The following TTC7B variants were observed in gnomAD, a reference collection of about 807,000 sequenced individuals.
TTC7B encodes tetratricopeptide repeat domain 7B.
Under a neutral mutation model 106.8 loss-of-function variants are expected in TTC7B, and 28 were observed. The observed-to-expected ratio is 0.26, with a 90% CI of 0.19 to 0.36. TTC7B has a LOEUF of 0.36. TTC7B is among the 10% of genes least tolerant of loss of function. The pLI, the probability that TTC7B is intolerant of heterozygous loss-of-function variation, is 1.00. For synonymous variants in TTC7B, 405 were observed against 430.6 expected, an observed-to-expected ratio of 0.94 and a Z score of 0.74; for missense variants, 862 against 1,076.4, an observed-to-expected ratio of 0.80 and a Z score of 2.79.
In TTC7B at chr14:90,700,444, C is replaced by T. The variant is rs575474761; in HGVS notation, c.699-4866G>A. Among the ~76,000 whole-genome samples the T allele has an allele frequency of 1.6e-4, 24 of 152,064 alleles. No homozygotes were observed. The South Asian group carries it at 4.6e-3, about 29-fold the overall frequency. ...ACTGCAATCATTGTGAAGGCAAAGGCCCCCTGTGTACCCACCACTCCTTGT... is the reference window on the plus strand; with the variant it reads ...ACTGCAATCATTGTGAAGGCAAAGGTCCCCTGTGTACCCACCACTCCTTGT... On this transcript the variant is annotated intron_variant, in intron 5 of 19. Transcript: ENST00000328459.
At chr14:90,560,562 T>C (rs1486355672) in intron 19 of TTC7B, among the ~76,000 whole-genome samples, 1 of 152,234 alleles carries the variant, frequency 6.6e-6, no homozygotes, top group African/African-American at 2.4e-5. Flanking sequence ...TTTTCTTCTA[T>C]CACAGAACAA....
chr14:90,804,305 CTGG>C (rs1490085102), intron 1 of TTC7B, among the ~76,000 whole-genome samples: 1 of 151,146 alleles, frequency 6.6e-6, no homozygotes, highest in Non-Finnish European at 1.5e-5. Flanking sequence ...GCACTCCAGC[CTGG>C]GTGACACAGC....
intron 18 of TTC7B, among the ~76,000 whole-genome samples, chr14:90,582,497 C>A (rs1005210804): frequency 2.0e-5 from 3 of 152,232 alleles, no homozygotes; most frequent in Non-Finnish European, 4.4e-5. Flanking sequence ...CATTTTCCTG[C>A]CACATCCATC....
intron 5 of TTC7B, among the ~76,000 whole-genome samples, chr14:90,706,231 C>T (rs1156319809): frequency 3.3e-5 from 5 of 149,836 alleles, no homozygotes; most frequent in Non-Finnish European, 5.9e-5. Context: ...GGCGCAATCT[C>T]GGCTCACTGC....
At position 90,580,125 on chromosome 14, in the gene TTC7B, G is replaced by T. The variant is rs539802517; in HGVS notation, c.2108-1817C>A. Among the ~76,000 whole-genome samples, 10 of 152,366 alleles carry T rather than the reference G, an allele frequency of 6.6e-5. No individual in the cohort carries two copies. The East Asian group carries it at 1.5e-3, about 24-fold the overall frequency. Reference sequence around the variant, plus strand: ...ATTTTCTGCACCCACCGGAATATGGGCTGTAAGCGACATGAGGGCAGGGAT... The same window carrying T: ...ATTTTCTGCACCCACCGGAATATGGTCTGTAAGCGACATGAGGGCAGGGAT... On this transcript the variant is annotated intron_variant, in intron 18 of 19. Transcript: ENST00000328459.
At chr14:90,777,276 A>G (rs954806940) in intron 3 of TTC7B, among the ~76,000 whole-genome samples, 3 of 152,012 alleles carry the variant, frequency 2.0e-5, no homozygotes, top group African/African-American at 7.3e-5. Context: ...TGAATGAGAT[A>G]CTGGGATAAA....
In TTC7B at chr14:90,537,187, TTTTAA is replaced by T. The variant is rs1294783626; in HGVS notation, c.*4176_*4180del. ...CGCTAAGTTTGCGGTCATTTAAAAT[TTTTAA>T]TTTATTTTATTTGTAGAGATAGGGT... is the stretch of plus-strand genomic sequence containing the variant. On this transcript the variant is annotated 3_prime_UTR_variant, in exon 20 of 20. Transcript: ENST00000328459. 3 of 152,134 alleles carry T rather than the reference TTTTAA, an allele frequency of 2.0e-5. No individual in the cohort carries two copies. Among genetic ancestry groups the T allele is most frequent in the African/African-American group, 4.8e-5 (2 of 41,412 alleles). The allele number at this position is 152,134 out of a possible 1,614,324, so 9.4% of individuals were successfully genotyped here.
At chr14:90,646,661 G>T (rs1049801669) in intron 14 of TTC7B, 2 of 404,740 alleles carry the variant, frequency 4.9e-6, no homozygotes, top group Non-Finnish European at 4.6e-6. Context: ...TGGGTTCAGG[G>T]TATATGCCAT....
At chr14:90,682,035 G>A (rs768149317) in intron 7 of TTC7B, among the ~76,000 whole-genome samples, 1 of 151,970 alleles carries the variant, frequency 6.6e-6, no homozygotes, top group Non-Finnish European at 1.5e-5. Context: ...ACACCCATAT[G>A]TGCACACCCA....
Position 90,537,216 on chromosome 14 carries a change from G to A in TTC7B, c.*4152C>T, listed in dbSNP as rs922829463. On this transcript the variant is annotated 3_prime_UTR_variant, in exon 20 of 20. Transcript: ENST00000328459. ...AATTTATTTTATTTGTAGAGATAGG[G>A]TCTTGCTCTCTCATGCAGGCTGGAC... 1 of 152,216 alleles carries A rather than the reference G, an allele frequency of 6.6e-6. No individual in the cohort carries two copies. The highest frequency in any genetic ancestry group is 2.4e-5 in the African/African-American group (1 of 41,438). The allele number at this position is 152,216 out of a possible 1,614,324, so 9.4% of individuals were successfully genotyped here.
rs1889426385 is a variant in TTC7B, at chr14:90,536,691, G to GGTCTAAGCACCA, written c.*4665_*4676dup. ...TCTCGCCACTTCCTCCACGCCCCTT[G>GGTCTAAGCACCA]GTCTAAGCACCATGGTCGCTGTGTG... On this transcript the variant is annotated 3_prime_UTR_variant, in exon 20 of 20. Transcript: ENST00000328459. 1 of 152,302 alleles carries GGTCTAAGCACCA rather than the reference G, an allele frequency of 6.6e-6. No individual in the cohort carries two copies. Among genetic ancestry groups the GGTCTAAGCACCA allele is most frequent in the Non-Finnish European group, 1.5e-5 (1 of 68,142 alleles). 9.4% of individuals were successfully genotyped at this position (152,302 alleles called of 1,614,324 possible). A position where few individuals can be genotyped will look rare whatever the true frequency, so the allele number is the denominator to read the frequency against.
At chr14:90,660,010 G>A (rs1345464110) in intron 9 of TTC7B, among the ~76,000 whole-genome samples, 1 of 152,074 alleles carries the variant, frequency 6.6e-6, no homozygotes, top group African/African-American at 2.4e-5. Flanking sequence ...GTGGTGTCGG[G>A]CCCAGCCAGT....
chr14:90,565,155 C>T (rs1890736054), intron 19 of TTC7B, among the ~76,000 whole-genome samples: 2 of 152,218 alleles, frequency 1.3e-5, no homozygotes, highest in South Asian at 4.1e-4. Flanking sequence ...CTGGATTAGG[C>T]TTTGGCTTAA....
chr14:90,574,569 G>A (rs1891179033), intron 19 of TTC7B, among the ~76,000 whole-genome samples: 1 of 152,206 alleles, frequency 6.6e-6, no homozygotes, highest in Non-Finnish European at 1.5e-5. Context: ...CTCTTGTCAA[G>A]TCTGACCTCT....
chr14:90,572,588 G>A (rs1566776623), intron 19 of TTC7B, among the ~76,000 whole-genome samples: 3 of 152,180 alleles, frequency 2.0e-5, no homozygotes, highest in South Asian at 4.1e-4. Flanking sequence ...GATTTCTGAT[G>A]TTTCAGAGAA....
intron 19 of TTC7B, among the ~76,000 whole-genome samples, chr14:90,561,932 C>T (rs931559372): frequency 6.6e-6 from 1 of 152,204 alleles, no homozygotes; most frequent in African/African-American, 2.4e-5. Flanking sequence ...CAGAACCTAC[C>T]TGTCCTCAGG....
chr14:90,681,434 GA>G (rs1887043094), intron 7 of TTC7B, among the ~76,000 whole-genome samples: 1 of 150,588 alleles, frequency 6.6e-6, no homozygotes, highest in African/African-American at 2.4e-5. Flanking sequence ...TCTTCCCAGG[GA>G]TAATATTACA....
intron 4 of TTC7B, among the ~76,000 whole-genome samples, chr14:90,744,266 A>G (rs1228658401): frequency 6.6e-6 from 1 of 152,154 alleles, no homozygotes; most frequent in Non-Finnish European, 1.5e-5. Flanking sequence ...TGCTCAGAGG[A>G]TGCTAAAATG....
chr14:90,812,965 A>T (rs1477505219), intron 1 of TTC7B, among the ~76,000 whole-genome samples: 1 of 152,088 alleles, frequency 6.6e-6, no homozygotes, highest in African/African-American at 2.4e-5. Context: ...CTGGGTGGGG[A>T]AGCCCACTAC....
Sources: gnomAD v4.1 joint callset for allele counts (sites outside exome capture counted in the v4.1 genomes callset) on GRCh38, gnomAD v4.1.1 for gene constraint, MANE v1.5 for transcripts, NCBI Gene and HGNC (gene_info 2026-07-23, HGNC 2026-07-21) for gene names.